KCTD16: variants seen among roughly 807,000 people sequenced by gnomAD.
KCTD16 encodes the protein BTB/POZ domain-containing protein KCTD16.
A neutral mutation model predicts 33.2 loss-of-function variants in KCTD16; 13 were observed. That is an observed-to-expected ratio of 0.39 (90% confidence interval 0.25 to 0.62). The LOEUF is 0.62. Among genes scored for constraint, KCTD16 ranks in the 20% least tolerant of loss-of-function variants. The pLI, the probability that KCTD16 is intolerant of heterozygous loss-of-function variation, is 0.50. For missense variants in KCTD16, 441 were observed against 525.1 expected, an observed-to-expected ratio of 0.84 and a Z score of 1.57; for synonymous variants, 197 against 195.3, an observed-to-expected ratio of 1.01 and a Z score of -0.07.
chr5:144,245,379 T>C (rs1754521597), intron 3 of KCTD16, among the ~76,000 whole-genome samples: 2 of 152,236 alleles, frequency 1.3e-5, no homozygotes, highest in African/African-American at 2.4e-5. Context: ...AAGGAAGTTA[T>C]GGTTGCGGTG....
intron 3 of KCTD16, among the ~76,000 whole-genome samples, chr5:144,406,918 G>A (rs1752820980): frequency 6.6e-6 from 1 of 152,108 alleles, no homozygotes. Context: ...CCAGGATTTG[G>A]AGATCAAAAT....
chr5:144,180,409 A>G lies in KCTD16; in HGVS notation c.-327+5937A>G, dbSNP rs17101665. ...TTCTTCTGCCATATTTCTCAATGTA[A>G]CTATCCCTCATTCCAATTATCTGTT... On this transcript the variant is annotated intron_variant, in intron 2 of 3. Transcript: ENST00000512467. Among the ~76,000 whole-genome samples the G allele has an allele frequency of 1.8e-3, 274 of 152,310 alleles. 2 individuals are homozygous for G. Among genetic ancestry groups the G allele is most frequent in the East Asian group, 4.4e-3 (23 of 5,186 alleles).
intron 3 of KCTD16, among the ~76,000 whole-genome samples, chr5:144,411,915 A>G (rs987849437): frequency 2.6e-5 from 4 of 152,214 alleles, no homozygotes; most frequent in Non-Finnish European, 4.4e-5. Flanking sequence ...GCACAGGTAT[A>G]TATAAAAAAA....
intron 3 of KCTD16, among the ~76,000 whole-genome samples, chr5:144,407,030 A>G (rs1245177430): frequency 6.6e-6 from 1 of 152,100 alleles, no homozygotes; most frequent in Non-Finnish European, 1.5e-5. Context: ...GATGAGAGGA[A>G]CAAACAAGAA....
chr5:144,326,263 T>C (rs1232997055), intron 3 of KCTD16, among the ~76,000 whole-genome samples: 2 of 152,150 alleles, frequency 1.3e-5, no homozygotes, highest in Non-Finnish European at 2.9e-5. Flanking sequence ...CCTAAGTCTG[T>C]GACAATAAAG....
At chr5:144,443,368 T>A (rs1753754603) in intron 3 of KCTD16, among the ~76,000 whole-genome samples, 1 of 152,152 alleles carries the variant, frequency 6.6e-6, no homozygotes, top group Non-Finnish European at 1.5e-5. Context: ...AATTTCTAAA[T>A]ACCTTAACAG....
chr5:144,376,711 T>C (rs1282984785), intron 3 of KCTD16, among the ~76,000 whole-genome samples: 2 of 152,178 alleles, frequency 1.3e-5, no homozygotes, highest in African/African-American at 4.8e-5. Context: ...AGATTTCCAG[T>C]TAGAAAAAAG....
chr5:144,468,821 T>C (rs905986985), intron 3 of KCTD16, among the ~76,000 whole-genome samples: 3 of 152,180 alleles, frequency 2.0e-5, no homozygotes, highest in African/African-American at 7.2e-5. Flanking sequence ...GGCGGAAAAT[T>C]TGAAGTGTGG....
At chr5:144,438,306 G>A (rs1753624855) in intron 3 of KCTD16, among the ~76,000 whole-genome samples, 1 of 152,138 alleles carries the variant, frequency 6.6e-6, no homozygotes, top group Non-Finnish European at 1.5e-5. Context: ...GCTTTTAAAG[G>A]AAAAATTGGA....
In KCTD16 at chr5:144,365,553, C is replaced by T. The variant is rs375956101; in HGVS notation, c.833-108107C>T. 2.6e-5 allele frequency among the ~76,000 whole-genome samples: 4 copies of T among 152,280 alleles called. No homozygotes were observed. In the South Asian group the frequency reaches 8.3e-4, roughly 32 times the overall value. ...ACCTAATTACATGCATCTTCAGGAA[C>T]AAAACCAATAGGGATCAATACTCTT... On this transcript the variant is annotated intron_variant, in intron 3 of 3. Transcript: ENST00000512467.
At chr5:144,172,333 A>G (rs1752407951) in intron 1 of KCTD16, among the ~76,000 whole-genome samples, 2 of 152,252 alleles carry the variant, frequency 1.3e-5, no homozygotes, top group African/African-American at 2.4e-5. Flanking sequence ...ACATTTTGAT[A>G]CAAGCATACA....
chr5:144,389,801 A>G (rs984498026), intron 3 of KCTD16, among the ~76,000 whole-genome samples: 2 of 152,292 alleles, frequency 1.3e-5, no homozygotes, highest in South Asian at 2.1e-4. Flanking sequence ...ATGCTGATAA[A>G]CATTCTCTTG....
intron 3 of KCTD16, among the ~76,000 whole-genome samples, chr5:144,299,904 A>C (rs1297836283): frequency 3.5e-5 from 5 of 143,752 alleles, no homozygotes; most frequent in African/African-American, 1.3e-4. Flanking sequence ...CATTTAAAAA[A>C]AAAAAAAAAA....
chr5:144,212,181 A>G (rs956857392), intron 3 of KCTD16, among the ~76,000 whole-genome samples: 2 of 152,176 alleles, frequency 1.3e-5, no homozygotes, highest in East Asian at 1.9e-4. Flanking sequence ...TTGGATAATA[A>G]AGGGCAGAAG....
Position 144,221,067 on chromosome 5 carries a change from G to A in KCTD16, c.832+13521G>A, listed in dbSNP as rs141160500. ...CACTTTGCTAAGTCAGATTCCTTAG[G>A]TACCTCCGTTGTATGACAGGAATGG... On this transcript the variant is annotated intron_variant, in intron 3 of 3. Coordinates refer to ENST00000512467, the MANE Select transcript of KCTD16 (RefSeq NM_020768.4). Among the ~76,000 whole-genome samples the A allele has an allele frequency of 3.3e-5, 5 of 152,290 alleles. No homozygotes were observed. In the East Asian group the frequency reaches 7.7e-4, roughly 24 times the overall value.
intron 3 of KCTD16, among the ~76,000 whole-genome samples, chr5:144,353,686 T>G (rs540992629): frequency 2.0e-5 from 3 of 152,286 alleles, no homozygotes; most frequent in Admixed American, 6.5e-5. Context: ...ACATTTCTTG[T>G]TAGTGCTATT....
chr5:144,419,951 C>A (rs1483614258), intron 3 of KCTD16, among the ~76,000 whole-genome samples: 6 of 152,040 alleles, frequency 3.9e-5, no homozygotes, highest in African/African-American at 1.4e-4. Context: ...AAGAAGTAAC[C>A]TAGGAAGAAC....
At chr5:144,454,052 T>G (rs369846655) in intron 3 of KCTD16, among the ~76,000 whole-genome samples, 7 of 152,184 alleles carry the variant, frequency 4.6e-5, no homozygotes, top group Admixed American at 1.3e-4. Context: ...GATGAGAAAG[T>G]TGACACCACA....
At position 144,378,015 on chromosome 5, in the gene KCTD16, A is replaced by G. The variant is rs940855803; in HGVS notation, c.833-95645A>G. 16 of 152,196 alleles carry G rather than the reference A, an allele frequency of 1.1e-4. 1 individual carries two copies. Among genetic ancestry groups the G allele is most frequent in the Admixed American group, 1.0e-3 (16 of 15,272 alleles). 9.4% of individuals were successfully genotyped at this position (152,196 alleles called of 1,614,324 possible). On this transcript the variant is annotated intron_variant, in intron 3 of 3. Coordinates refer to ENST00000512467, the MANE Select transcript of KCTD16 (RefSeq NM_020768.4). ...ATATACATAGATATCATAACTTGAA[A>G]TTGGTCAGAAGGGGACGTTAATTAT...
Sources: gnomAD v4.1 joint callset for allele counts (sites outside exome capture counted in the v4.1 genomes callset) on GRCh38, gnomAD v4.1.1 for gene constraint, MANE v1.5 for transcripts, NCBI Gene and HGNC (gene_info 2026-07-23, HGNC 2026-07-21) for gene names.